The following MACROD2 variants were observed in gnomAD, a reference collection of about 807,000 sequenced individuals.
MACROD2 encodes mono-ADP ribosylhydrolase 2.
A neutral mutation model predicts 70.4 loss-of-function variants in MACROD2; 36 were observed. The ratio of observed to expected loss-of-function variants is 0.51; its 90% CI spans 0.39 to 0.68. The LOEUF is 0.68. MACROD2 is among the 30% of genes least tolerant of loss of function. The probability of loss-of-function intolerance (pLI) is 0.00; values close to 1 mark genes in which losing one functional copy is unlikely to be tolerated. For missense variants in MACROD2, 496 were observed against 538.4 expected, an observed-to-expected ratio of 0.92 and a Z score of 0.78; for synonymous variants, 172 against 178.8, an observed-to-expected ratio of 0.96 and a Z score of 0.30.
At chr20:14,084,807 G>T (rs921749372) in intron 2 of MACROD2, among the ~76,000 whole-genome samples, 8 of 118,844 alleles carry the variant, frequency 6.7e-5, no homozygotes, top group Admixed American at 2.6e-4. Context: ...CCTATCCGGA[G>T]TAATAGTTTG....
chr20:14,909,128 T>C (rs762378606), intron 5 of MACROD2, among the ~76,000 whole-genome samples: 1 of 152,144 alleles, frequency 6.6e-6, no homozygotes, highest in Non-Finnish European at 1.5e-5. Flanking sequence ...AGAGCGTAAA[T>C]TAAGAAGAGT....
intron 10 of MACROD2, among the ~76,000 whole-genome samples, chr20:15,907,363 A>G (rs1360928987): frequency 6.6e-6 from 1 of 152,214 alleles, no homozygotes; most frequent in African/African-American, 2.4e-5. Flanking sequence ...CTTCCATTAT[A>G]GCTGTGGCCA....
intron 2 of MACROD2, among the ~76,000 whole-genome samples, chr20:14,024,327 A>C (rs1248013692): frequency 1.3e-5 from 2 of 152,226 alleles, no homozygotes; most frequent in East Asian, 3.8e-4. Flanking sequence ...CAATCATGTC[A>C]TCTGCAAACA....
chr20:14,663,755 C>T (rs572313972), intron 4 of MACROD2, among the ~76,000 whole-genome samples: 7 of 152,084 alleles, frequency 4.6e-5, no homozygotes, highest in South Asian at 2.1e-4. Context: ...TATGTAGTTA[C>T]GCATTAATTG....
At chr20:15,092,081 CAG>C (rs2123167287) in intron 5 of MACROD2, among the ~76,000 whole-genome samples, 1 of 152,208 alleles carries the variant, frequency 6.6e-6, no homozygotes, top group African/African-American at 2.4e-5. Flanking sequence ...CATTTGGAAA[CAG>C]ATTATATTGC....
intron 5 of MACROD2, among the ~76,000 whole-genome samples, chr20:14,752,294 T>A (rs1028665311): frequency 2.6e-5 from 4 of 152,024 alleles, no homozygotes; most frequent in Non-Finnish European, 5.9e-5. Flanking sequence ...ATTTAAAACA[T>A]TTATAATTAT....
At chr20:15,696,685 T>G (rs200069303) in intron 8 of MACROD2, among the ~76,000 whole-genome samples, 67 of 130,942 alleles carry the variant, frequency 5.1e-4, no homozygotes, top group Middle Eastern at 4.5e-3. Flanking sequence ...GGAGTTTTTT[T>G]TTTTTTTTTT....
intron 7 of MACROD2, among the ~76,000 whole-genome samples, chr20:15,457,653 G>A (rs889262644): frequency 6.6e-6 from 1 of 152,108 alleles, no homozygotes; most frequent in African/African-American, 2.4e-5. Flanking sequence ...AAATTCCTCT[G>A]CCTTTAGTTG....
chr20:15,210,848 G>T (rs1315739826), intron 5 of MACROD2, among the ~76,000 whole-genome samples: 1 of 152,204 alleles, frequency 6.6e-6, no homozygotes, highest in South Asian at 2.1e-4. Context: ...AGTTTCTGGA[G>T]CCCTCCAAGC....
chr20:14,597,521 A>G (rs1982225463), intron 4 of MACROD2, among the ~76,000 whole-genome samples: 1 of 152,188 alleles, frequency 6.6e-6, no homozygotes. Flanking sequence ...TCATTTTAGA[A>G]GATCTGCTTT....
intron 3 of MACROD2, among the ~76,000 whole-genome samples, chr20:14,104,863 C>T (rs755571393): frequency 3.9e-5 from 6 of 152,156 alleles, no homozygotes; most frequent in African/African-American, 7.2e-5. Flanking sequence ...GAAGTGGATT[C>T]TTATTCTACC....
In MACROD2 at chr20:14,929,004, G is replaced by A. The variant is rs150696480; in HGVS notation, c.418+244045G>A. 1.4e-4 allele frequency among the ~76,000 whole-genome samples: 22 copies of A among 152,290 alleles called. No homozygotes were observed. The East Asian group carries it at 2.7e-3, about 19-fold the overall frequency. Reference sequence around the variant, plus strand: ...CTTTGCCCTCTTAAGGGAAAAGCAAGGGAGGTTTATGAAGGGCCTTAAAAT... The same window carrying A: ...CTTTGCCCTCTTAAGGGAAAAGCAAAGGAGGTTTATGAAGGGCCTTAAAAT... On this transcript the variant is annotated intron_variant, in intron 5 of 17. Coordinates refer to ENST00000684519, the MANE Select transcript of MACROD2 (RefSeq NM_001351661.2).
At chr20:14,632,107 A>G (rs566736295) in intron 4 of MACROD2, among the ~76,000 whole-genome samples, 1 of 152,156 alleles carries the variant, frequency 6.6e-6, no homozygotes, top group African/African-American at 2.4e-5. Flanking sequence ...GCTATAAGGA[A>G]TATTGATTAT....
intron 3 of MACROD2, among the ~76,000 whole-genome samples, chr20:14,173,475 T>G (rs1479582598): frequency 1.3e-5 from 2 of 152,180 alleles, no homozygotes; most frequent in African/African-American, 4.8e-5. Flanking sequence ...GTGATTATTT[T>G]TTATTTATGC....
chr20:14,023,040 A>G (rs1333104495), intron 2 of MACROD2, among the ~76,000 whole-genome samples: 1 of 152,108 alleles, frequency 6.6e-6, no homozygotes, highest in Non-Finnish European at 1.5e-5. Context: ...AAGTCTTCCT[A>G]TTTCTCCATG....
intron 5 of MACROD2, among the ~76,000 whole-genome samples, chr20:14,735,031 C>G (rs1162245480): frequency 6.6e-6 from 1 of 151,596 alleles, no homozygotes; most frequent in Non-Finnish European, 1.5e-5. Context: ...ACTATAAAAC[C>G]CTTAGAAAAA....
chr20:14,165,447 T>G (rs1183323071), intron 3 of MACROD2, among the ~76,000 whole-genome samples: 1 of 152,180 alleles, frequency 6.6e-6, no homozygotes, highest in Non-Finnish European at 1.5e-5. Flanking sequence ...GTCACTTCCC[T>G]GTTGAATGCC....
At chr20:15,236,783 T>C (rs2077017241) in intron 6 of MACROD2, among the ~76,000 whole-genome samples, 1 of 152,240 alleles carries the variant, frequency 6.6e-6, no homozygotes, top group Non-Finnish European at 1.5e-5. Context: ...GTTGGACCTG[T>C]AACACTACTG....
chr20:14,258,347 TA>T (rs536084449), intron 3 of MACROD2, among the ~76,000 whole-genome samples: 144 of 151,986 alleles, frequency 9.5e-4, no homozygotes, highest in African/African-American at 3.4e-3. Context: ...ACCAGTAGTG[TA>T]AAAGTGTTCC....
Sources: gnomAD v4.1 joint callset for allele counts (sites outside exome capture counted in the v4.1 genomes callset) on GRCh38, gnomAD v4.1.1 for gene constraint, MANE v1.5 for transcripts, NCBI Gene and HGNC (gene_info 2026-07-23, HGNC 2026-07-21) for gene names.